STPG4: variants seen among roughly 807,000 people sequenced by gnomAD.
The protein encoded by STPG4 is sperm-tail PG-rich repeat containing 4.
In STPG4, 41 loss-of-function variants were observed where a neutral mutation model predicts 31.5. The observed-to-expected ratio is 1.30, with a 90% CI of 1.01 to 1.69. STPG4 has a LOEUF of 1.69. Ranked by LOEUF, STPG4 falls within the 40% of genes most tolerant of loss-of-function variation. The probability of loss-of-function intolerance (pLI) is 0.00; values close to 1 mark genes in which losing one functional copy is unlikely to be tolerated. For missense variants in STPG4, 375 were observed against 293.4 expected, an observed-to-expected ratio of 1.28 and a Z score of -2.03; for synonymous variants, 141 against 103.0, an observed-to-expected ratio of 1.37 and a Z score of -2.24.
At chr2:47,115,518 G>A (rs1686129590) in intron 5 of STPG4, among the ~76,000 whole-genome samples, 1 of 152,116 alleles carries the variant, frequency 6.6e-6, no homozygotes, top group South Asian at 2.1e-4. Context: ...TGAAAATAAT[G>A]TTCCTGTTCT....
At position 47,091,037 on chromosome 2, in the gene STPG4, CT is replaced by C. The variant is rs1048787883; in HGVS notation, c.520-664del. On this transcript the variant is annotated intron_variant, in intron 5 of 6. Transcript: ENST00000445927. ...CATTCTAATTTAAAAAACAAACTTC[CT>C]TTTTTTCCCACGGGGTGAGGGGAAG... Among the ~76,000 whole-genome samples the C allele has an allele frequency of 9.2e-5, 14 of 151,798 alleles. 1 individual carries two copies. The highest frequency in any genetic ancestry group is 6.6e-4 in the Admixed American group (10 of 15,242).
chr2:47,152,438 G>A (rs1233093522), intron 2 of STPG4, among the ~76,000 whole-genome samples: 1 of 152,160 alleles, frequency 6.6e-6, no homozygotes, highest in Non-Finnish European at 1.5e-5. Flanking sequence ...ATTCCAAGAA[G>A]GCTTTGACCC....
chr2:47,128,901 T>A (rs1338951097), intron 5 of STPG4: 1 of 152,304 alleles, frequency 6.6e-6, no homozygotes, highest in Non-Finnish European at 1.5e-5. Context: ...GGATCACACC[T>A]GAAGCAGCAC....
intron 3 of STPG4, among the ~76,000 whole-genome samples, chr2:47,146,316 T>G (rs1198681712): frequency 6.6e-6 from 1 of 152,070 alleles, no homozygotes; most frequent in Non-Finnish European, 1.5e-5. Context: ...AGAGGCCAGG[T>G]GCTACAATGC....
chr2:47,105,207 G>C (rs1321270476), intron 5 of STPG4, among the ~76,000 whole-genome samples: 1 of 151,976 alleles, frequency 6.6e-6, no homozygotes, highest in Non-Finnish European at 1.5e-5. Flanking sequence ...TCCTTACTCA[G>C]ACTCATGGGA....
intron 3 of STPG4, among the ~76,000 whole-genome samples, chr2:47,132,047 C>T (rs1172293850): frequency 2.0e-5 from 3 of 152,024 alleles, no homozygotes; most frequent in African/African-American, 7.3e-5. Context: ...CACCTGTAAT[C>T]CCAGCTACTT....
intron 3 of STPG4, among the ~76,000 whole-genome samples, chr2:47,144,101 G>T (rs866719276): frequency 6.6e-6 from 1 of 152,062 alleles, no homozygotes; most frequent in Non-Finnish European, 1.5e-5. Context: ...AGTTACCCTA[G>T]CATGTTGATT....
chr2:47,131,713 C>T (rs948325032), intron 3 of STPG4, among the ~76,000 whole-genome samples: 1 of 152,170 alleles, frequency 6.6e-6, no homozygotes, highest in Non-Finnish European at 1.5e-5. Flanking sequence ...TTAAGAAAGG[C>T]AGGACTTCCT....
intron 5 of STPG4, among the ~76,000 whole-genome samples, chr2:47,127,245 G>GCGCA (rs1553427320): frequency 9.8e-6 from 1 of 102,372 alleles, no homozygotes; most frequent in African/African-American, 3.7e-5. Context: ...TTGTCTTCAA[G>GCGCA]CTAATTCTTT....
intron 6 of STPG4, among the ~76,000 whole-genome samples, chr2:47,087,761 T>A (rs916956749): frequency 2.6e-5 from 4 of 152,136 alleles, no homozygotes; most frequent in African/African-American, 7.2e-5. Context: ...ATTTATATAT[T>A]TTTTTGAGAC....
At chr2:47,088,532 G>A (rs1055107687) in intron 6 of STPG4, among the ~76,000 whole-genome samples, 2 of 152,216 alleles carry the variant, frequency 1.3e-5, no homozygotes, top group Non-Finnish European at 2.9e-5. Context: ...ACGGGGCAGA[G>A]TACCTGCCTC....
At chr2:47,123,347 A>T (rs1006421170) in intron 5 of STPG4, among the ~76,000 whole-genome samples, 2 of 152,194 alleles carry the variant, frequency 1.3e-5, no homozygotes, top group African/African-American at 4.8e-5. Flanking sequence ...GAATATCTCT[A>T]GCGATTTAAT....
chr2:47,097,945 C>G (rs1685707432), intron 5 of STPG4, among the ~76,000 whole-genome samples: 1 of 145,332 alleles, frequency 6.9e-6, no homozygotes, highest in Non-Finnish European at 1.5e-5. Context: ...TGGTGAAACC[C>G]CATCTCTTAA....
intron 5 of STPG4, among the ~76,000 whole-genome samples, chr2:47,113,896 T>C (rs192767092): frequency 8.8e-4 from 133 of 151,670 alleles, no homozygotes; most frequent in African/African-American, 3.1e-3. Flanking sequence ...TAGCCAGGTG[T>C]GGTGGCGGGC....
At chr2:47,135,307 C>G (rs1686573711) in intron 3 of STPG4, among the ~76,000 whole-genome samples, 1 of 152,078 alleles carries the variant, frequency 6.6e-6, no homozygotes, top group Non-Finnish European at 1.5e-5. Flanking sequence ...TATAGTCTTG[C>G]TTTTTACATT....
At chr2:47,118,422 C>G (rs2103764548) in intron 5 of STPG4, among the ~76,000 whole-genome samples, 1 of 152,268 alleles carries the variant, frequency 6.6e-6, no homozygotes, top group East Asian at 1.9e-4. Flanking sequence ...CCCTCTGATT[C>G]TACATTATGG....
At chr2:47,093,305 G>A (rs886333703) in intron 5 of STPG4, among the ~76,000 whole-genome samples, 2 of 152,182 alleles carry the variant, frequency 1.3e-5, no homozygotes, top group Non-Finnish European at 2.9e-5. Flanking sequence ...TGATGTATAC[G>A]TGTGACAGAG....
At chr2:47,127,852 G>A (rs1333899744) in intron 5 of STPG4, among the ~76,000 whole-genome samples, 13 of 152,142 alleles carry the variant, frequency 8.5e-5, no homozygotes, top group Admixed American at 3.9e-4. Context: ...TATTTAATTC[G>A]ATTGGTGAGG....
chr2:47,114,903 G>C (rs1244912752), intron 5 of STPG4, among the ~76,000 whole-genome samples: 1 of 152,200 alleles, frequency 6.6e-6, no homozygotes, highest in Middle Eastern at 3.4e-3. Context: ...AAGTAGCTGG[G>C]ACTACAGGCA....
Sources: gnomAD v4.1 joint callset for allele counts (sites outside exome capture counted in the v4.1 genomes callset) on GRCh38, gnomAD v4.1.1 for gene constraint, MANE v1.5 for transcripts, NCBI Gene and HGNC (gene_info 2026-07-23, HGNC 2026-07-21) for gene names.